Variants in KCTD10 observed in about 807,000 individuals in gnomAD.
KCTD10 encodes the protein potassium channel tetramerization domain containing 10.
A neutral mutation model predicts 34.6 loss-of-function variants in KCTD10; 13 were observed. That is an observed-to-expected ratio of 0.38 (90% CI 0.24 to 0.60). The LOEUF is 0.60. KCTD10 is among the 20% of genes least tolerant of loss of function. KCTD10 has a pLI of 0.66. For synonymous variants in KCTD10, 156 were observed against 168.8 expected (o/e 0.92, Z 0.59); for missense variants, 256 against 420.3 (o/e 0.61, Z 3.42).
At chr12:109,456,763 G>C (rs755802412) in intron 5 of KCTD10, 1 of 174,648 alleles carries the variant, frequency 5.7e-6, no homozygotes, top group Non-Finnish European at 1.2e-5. Flanking sequence ...TCCTGAGTTA[G>C]AGCCACATGT....
At chr12:109,465,586 C>T (rs1873551652) in intron 2 of KCTD10, among the ~76,000 whole-genome samples, 1 of 152,144 alleles carries the variant, frequency 6.6e-6, no homozygotes, top group Admixed American at 6.5e-5. Context: ...CAAATGCTTA[C>T]CTTTGGAAGG....
intron 1 of KCTD10, chr12:109,471,216 T>C: frequency 1.0e-6 from 1 of 985,466 alleles, no homozygotes; most frequent in African/African-American, 1.7e-5. Context: ...ACGTTATTTT[T>C]GTAAATGGGA....
chr12:109,457,689 G>A lies in KCTD10; in HGVS notation c.475-7C>T. 6.2e-7 allele frequency: 1 copy of A among 1,614,132 alleles called. No homozygotes were observed. Among genetic ancestry groups the A allele is most frequent in the South Asian group, 1.1e-5 (1 of 91,084 alleles). The stretch of plus-strand genomic sequence containing the variant: ...AGAGCAACTTCACGGCTGGCTGTGG[G>A]TTGTTTTAAAAGAAGAAGAAGAGAG... On this transcript the variant is annotated splice_polypyrimidine_tract_variant and splice_region_variant and intron_variant, in intron 4 of 6. Transcript: ENST00000228495.
At chr12:109,462,177 C>G (rs930254869) in intron 2 of KCTD10, among the ~76,000 whole-genome samples, 5 of 152,218 alleles carry the variant, frequency 3.3e-5, no homozygotes, top group Non-Finnish European at 5.9e-5. Context: ...GCCAAGTGCC[C>G]TCTCATGGTT....
chr12:109,453,362 A>G (rs142636502), intron 6 of KCTD10, among the ~76,000 whole-genome samples: 1 of 151,942 alleles, frequency 6.6e-6, no homozygotes, highest in Admixed American at 6.6e-5. Flanking sequence ...GCTATTTTTT[A>G]AAAAATTTTT....
At chr12:109,470,927 C>G (rs61941586) in intron 1 of KCTD10, 2,661 of 186,620 alleles carry the variant, frequency 0.014, 77 homozygotes, top group Admixed American at 0.071. Context: ...GCATCCAACA[C>G]AGAGCAAAGC....
At chr12:109,462,906 T>C (rs1290926722) in intron 2 of KCTD10, among the ~76,000 whole-genome samples, 1 of 152,194 alleles carries the variant, frequency 6.6e-6, no homozygotes, top group Non-Finnish European at 1.5e-5. Context: ...TGTGCTACCC[T>C]ACACCAAGTA....
intron 1 of KCTD10, among the ~76,000 whole-genome samples, chr12:109,476,719 T>A (rs1011747209): frequency 1.3e-5 from 2 of 152,064 alleles, no homozygotes; most frequent in African/African-American, 2.4e-5. Flanking sequence ...CACTGGGCCG[T>A]GTGTTCAGAC....
intron 6 of KCTD10, among the ~76,000 whole-genome samples, chr12:109,452,551 T>C (rs567290884): frequency 6.6e-6 from 1 of 152,138 alleles, no homozygotes; most frequent in South Asian, 2.1e-4. Flanking sequence ...CTGGGAAAAA[T>C]GGAGCAGGCA....
chr12:109,471,156 C>T (rs750184408), intron 1 of KCTD10: 18 of 985,330 alleles, frequency 1.8e-5, no homozygotes, highest in Middle Eastern at 1.0e-3. Context: ...CTAGCTTTTC[C>T]AGATTTTCTA....
At chr12:109,453,397 T>C (rs1872871549) in intron 6 of KCTD10, among the ~76,000 whole-genome samples, 1 of 152,220 alleles carries the variant, frequency 6.6e-6, no homozygotes, top group African/African-American at 2.4e-5. Flanking sequence ...TGTTGCTATG[T>C]TGCCCAGGCT....
chr12:109,470,551 A>G, intron 1 of KCTD10: 5 of 985,444 alleles, frequency 5.1e-6, no homozygotes, highest in Non-Finnish European at 6.0e-6. Flanking sequence ...ATGAACAGGT[A>G]AAACTGTAGA....
intron 6 of KCTD10, among the ~76,000 whole-genome samples, chr12:109,453,720 G>GC (rs1246222047): frequency 6.6e-6 from 1 of 152,194 alleles, no homozygotes; most frequent in Non-Finnish European, 1.5e-5. Context: ...CAAACCCCCA[G>GC]CTTTCTGGCT....
At chr12:109,457,012 C>G (rs1592836863) in intron 5 of KCTD10, 1 of 155,132 alleles carries the variant, frequency 6.4e-6, no homozygotes, top group Non-Finnish European at 1.4e-5. Flanking sequence ...ACCCAAATGT[C>G]CATCAACTGA....
At chr12:109,475,097 G>A (rs529844613) in intron 1 of KCTD10, among the ~76,000 whole-genome samples, 25 of 152,276 alleles carry the variant, frequency 1.6e-4, no homozygotes, top group African/African-American at 5.5e-4. Flanking sequence ...CTAGTCCTTT[G>A]TGTAGTTTCC....
In KCTD10 at chr12:109,451,294, A is replaced by C. The variant is rs1046826451; in HGVS notation, c.*301T>G. The C allele has an allele frequency of 2.7e-6, 1 of 363,714 alleles. No homozygotes were observed. The highest frequency in any genetic ancestry group is 2.1e-5 in the African/African-American group (1 of 47,846). The allele number at this position is 363,714 out of a possible 1,614,324, so 22.5% of individuals were successfully genotyped here. A position where few individuals can be genotyped will look rare whatever the true frequency, so the allele number is the denominator to read the frequency against. ...ATTGCAAACAAAAGTTCTCACATAC[A>C]CTTCACACTCATTCATACTTTTCCT... On this transcript the variant is annotated 3_prime_UTR_variant, in exon 7 of 7. Coordinates refer to ENST00000228495, the MANE Select transcript of KCTD10 (RefSeq NM_031954.5). This position sits in a 1 kb window ranked among gnomAD's most constrained non-coding sequence, Gnocchi z 5.0.
At chr12:109,454,860 G>C (rs1475584653) in intron 6 of KCTD10, among the ~76,000 whole-genome samples, 1 of 152,138 alleles carries the variant, frequency 6.6e-6, no homozygotes, top group African/African-American at 2.4e-5. Flanking sequence ...CAGACCATGT[G>C]GTCTCTAAAT....
Position 109,460,866 on chromosome 12 carries a change from C to A in KCTD10, c.218-61G>T. 6.4e-7 allele frequency: 1 copy of A among 1,551,526 alleles called. No individual in the cohort carries two copies. On this transcript the variant is annotated intron_variant, in intron 2 of 6. Coordinates refer to ENST00000228495, the MANE Select transcript of KCTD10 (RefSeq NM_031954.5). The surrounding 1 kb of genome is among the most constrained non-coding windows in gnomAD (Gnocchi z 4.5). ...CCCTCCTCTTGTGGGAGGCCCTGAG[C>A]AGAGCTGGGGTGTCTCTCGGCTCCC...
intron 6 of KCTD10, among the ~76,000 whole-genome samples, chr12:109,453,733 C>T (rs749347472): frequency 5.3e-5 from 8 of 152,132 alleles, no homozygotes; most frequent in Non-Finnish European, 1.0e-4. Flanking sequence ...TTCTGGCTGG[C>T]CGATCAGAGA....
Sources: gnomAD v4.1 joint callset for allele counts (sites outside exome capture counted in the v4.1 genomes callset) on GRCh38, gnomAD v4.1.1 for gene constraint, Gnocchi (gnomAD v3.1) non-coding constraint, MANE v1.5 for transcripts, NCBI Gene and HGNC (gene_info 2026-07-23, HGNC 2026-07-21) for gene names.